Variants in SEMA3E observed in about 807,000 individuals in gnomAD.
SEMA3E encodes semaphorin-3E.
In SEMA3E, 49 loss-of-function variants were observed where a neutral mutation model predicts 93.6. That is an observed-to-expected ratio of 0.52 (90% CI 0.42 to 0.66). The LOEUF (loss-of-function observed/expected upper bound fraction) is 0.66. SEMA3E is among the 30% of genes least tolerant of loss of function. The pLI is 0.00. For missense variants in SEMA3E, 906 were observed against 964.8 expected, an observed-to-expected ratio of 0.94 and a Z score of 0.81; for synonymous variants, 363 against 330.7, an observed-to-expected ratio of 1.10 and a Z score of -1.06.
intron 4 of SEMA3E, among the ~76,000 whole-genome samples, chr7:83,460,066 C>T (rs1789578497): frequency 6.6e-6 from 1 of 152,182 alleles, no homozygotes; most frequent in African/African-American, 2.4e-5. Flanking sequence ...AATAAACAGC[C>T]ATGTTGCTCA....
At chr7:83,553,287 C>T (rs1252746175) in intron 1 of SEMA3E, among the ~76,000 whole-genome samples, 2 of 152,178 alleles carry the variant, frequency 1.3e-5, no homozygotes, top group Non-Finnish European at 2.9e-5. Context: ...CTCCTCCATA[C>T]ATCCATGTAT....
At chr7:83,429,811 C>T (rs542272033) in intron 4 of SEMA3E, among the ~76,000 whole-genome samples, 9 of 152,170 alleles carry the variant, frequency 5.9e-5, no homozygotes, top group South Asian at 4.1e-4. Flanking sequence ...GAATTCCATT[C>T]GGTTTTTTGC....
At chr7:83,600,727 C>A (rs1792977776) in intron 1 of SEMA3E, among the ~76,000 whole-genome samples, 1 of 151,818 alleles carries the variant, frequency 6.6e-6, no homozygotes, top group African/African-American at 2.4e-5. Context: ...TTTTGTCAAA[C>A]AAAGTCATCA....
intron 1 of SEMA3E, among the ~76,000 whole-genome samples, chr7:83,530,498 G>A (rs1562820934): frequency 6.6e-6 from 1 of 152,080 alleles, no homozygotes; most frequent in Non-Finnish European, 1.5e-5. Context: ...ATTTTACAAT[G>A]GAACAGTATA....
intron 4 of SEMA3E, among the ~76,000 whole-genome samples, chr7:83,422,180 A>C (rs1788679837): frequency 6.6e-6 from 1 of 152,200 alleles, no homozygotes; most frequent in Admixed American, 6.5e-5. Flanking sequence ...TGTCTCAAAA[A>C]TAAACAAATT....
intron 1 of SEMA3E, among the ~76,000 whole-genome samples, chr7:83,499,603 A>G (rs770008297): frequency 6.6e-6 from 1 of 152,180 alleles, no homozygotes; most frequent in Non-Finnish European, 1.5e-5. Context: ...TTTGAAGGTC[A>G]TGGCTGAGAG....
intron 1 of SEMA3E, among the ~76,000 whole-genome samples, chr7:83,554,203 A>G (rs1025103902): frequency 6.6e-6 from 1 of 152,074 alleles, no homozygotes. Context: ...ACCTTTTTAT[A>G]TTTTTACATT....
chr7:83,561,546 T>C (rs941686168), intron 1 of SEMA3E, among the ~76,000 whole-genome samples: 1 of 152,106 alleles, frequency 6.6e-6, no homozygotes, highest in Non-Finnish European at 1.5e-5. Flanking sequence ...AAGGAATCAA[T>C]GGCTGCTTTG....
chr7:83,521,931 A>C (rs762511069), intron 1 of SEMA3E, among the ~76,000 whole-genome samples: 2 of 152,150 alleles, frequency 1.3e-5, no homozygotes, highest in Non-Finnish European at 2.9e-5. Context: ...TTTTACAAAA[A>C]TTAAGCCACG....
intron 4 of SEMA3E, among the ~76,000 whole-genome samples, chr7:83,433,266 T>A (rs1234972003): frequency 6.6e-6 from 1 of 152,080 alleles, no homozygotes; most frequent in East Asian, 1.9e-4. Flanking sequence ...AAAATGTAAA[T>A]GTAATATATA....
At chr7:83,539,855 C>CTG (rs59200828) in intron 1 of SEMA3E, among the ~76,000 whole-genome samples, 3,257 of 122,686 alleles carry the variant, frequency 0.027, 129 homozygotes, top group African/African-American at 0.09. Flanking sequence ...TTTGTTGTTT[C>CTG]TGTGTGTGTG....
intron 1 of SEMA3E, among the ~76,000 whole-genome samples, chr7:83,513,348 C>T (rs1790861715): frequency 6.6e-6 from 1 of 152,142 alleles, no homozygotes. Context: ...TAACCTCTTC[C>T]CATAGCACTT....
intron 1 of SEMA3E, among the ~76,000 whole-genome samples, chr7:83,587,075 T>A (rs769341745): frequency 1.3e-5 from 2 of 152,180 alleles, no homozygotes; most frequent in Non-Finnish European, 2.9e-5. Context: ...CTTTTATTCC[T>A]TTCTAAAGTT....
rs924476571 is a variant in SEMA3E, at chr7:83,550,795, C to A, written c.116-60521G>T. ...GGAATCATTAATCTGTGACACTGTA[C>A]AAGAGAGTTGGTAAATATATGAGAA... On this transcript the variant is annotated intron_variant, in intron 1 of 16. Transcript: ENST00000643230. 2.0e-5 allele frequency among the ~76,000 whole-genome samples: 3 copies of A among 151,900 alleles called. No homozygotes were observed. The South Asian group carries it at 6.2e-4, about 31-fold the overall frequency.
chr7:83,640,732 C>A (rs1269032194), intron 1 of SEMA3E, among the ~76,000 whole-genome samples: 2 of 152,112 alleles, frequency 1.3e-5, no homozygotes, highest in African/African-American at 4.8e-5. Context: ...AGTATGTTTT[C>A]TTTCCCCTTT....
Position 83,648,675 on chromosome 7 carries a change from G to A in SEMA3E, c.-133C>T. 3 of 726,472 alleles carry A rather than the reference G, an allele frequency of 4.1e-6. No individual in the cohort carries two copies. Among genetic ancestry groups the A allele is most frequent in the Non-Finnish European group, 7.5e-6 (3 of 397,492 alleles). 45.0% of individuals were successfully genotyped at this position (726,472 alleles called of 1,614,324 possible). ...GAACGCGTTGTCATCAGAAAGCACA[G>A]TTCCGAAGTGCCATTTGTCAGGCTG... On this transcript the variant is annotated 5_prime_UTR_variant, in exon 1 of 17. Coordinates refer to ENST00000643230, the MANE Select transcript of SEMA3E (RefSeq NM_012431.3).
intron 1 of SEMA3E, among the ~76,000 whole-genome samples, chr7:83,569,580 C>T (rs997104865): frequency 2.0e-5 from 3 of 152,106 alleles, no homozygotes; most frequent in Non-Finnish European, 4.4e-5. Flanking sequence ...GAGCAAGAGT[C>T]ATTATTCTTA....
At chr7:83,575,013 T>C (rs1792370153) in intron 1 of SEMA3E, among the ~76,000 whole-genome samples, 1 of 152,196 alleles carries the variant, frequency 6.6e-6, no homozygotes, top group Non-Finnish European at 1.5e-5. Flanking sequence ...ACTGTCTCTT[T>C]TGATGAGAAA....
intron 1 of SEMA3E, among the ~76,000 whole-genome samples, chr7:83,517,460 C>T (rs1584303242): frequency 6.6e-6 from 1 of 152,150 alleles, no homozygotes; most frequent in Non-Finnish European, 1.5e-5. Context: ...GCTTTTGCTA[C>T]TCCTCCAACT....
Sources: allele counts gnomAD v4.1 joint callset (sites outside exome capture counted in the v4.1 genomes callset), GRCh38; gene constraint gnomAD v4.1.1; transcripts MANE v1.5; gene names NCBI Gene and HGNC (gene_info 2026-07-23, HGNC 2026-07-21).